Variants in OLFM1 observed in about 807,000 individuals in gnomAD.
The protein encoded by OLFM1 is noelin.
In OLFM1, 9 loss-of-function variants were observed where a neutral mutation model predicts 49.7. The ratio of observed to expected loss-of-function variants is 0.18; its 90% CI spans 0.11 to 0.32. The LOEUF is 0.32. OLFM1 is among the 10% of genes least tolerant of loss of function. The pLI, the probability that OLFM1 is intolerant of heterozygous loss-of-function variation, is 1.00. For synonymous variants in OLFM1, 240 were observed against 271.8 expected (o/e 0.88, Z 1.15); for missense variants, 369 against 661.8 (o/e 0.56, Z 4.85).
chr9:135,082,864 A>G (rs1159836472), upstream of OLFM1, among the ~76,000 whole-genome samples: 2 of 152,212 alleles, frequency 1.3e-5, no homozygotes, highest in Non-Finnish European at 2.9e-5. Flanking sequence ...CAGGCTCCAC[A>G]GGGCAGGCCC....
At chr9:135,110,282 G>A (rs920334918) in intron 5 of OLFM1, among the ~76,000 whole-genome samples, 3 of 152,124 alleles carry the variant, frequency 2.0e-5, no homozygotes, top group Non-Finnish European at 4.4e-5. Context: ...CTGCCTTCCA[G>A]AGCCCAACAT....
In OLFM1 at chr9:135,098,802, ATG is replaced by A. The variant is rs1830833400; in HGVS notation, c.676+306_676+307del. ...GATTGTGTGTGTGTGTGTGAATCGT[ATG>A]TGTGTGTGCATTGAAGACACCAGTT... On this transcript the variant is annotated intron_variant, in intron 4 of 5. Coordinates refer to ENST00000371793, the MANE Select transcript of OLFM1 (RefSeq NM_001282611.2). The surrounding 1 kb of genome is among the most constrained non-coding windows in gnomAD (Gnocchi z 5.6). Among the ~76,000 whole-genome samples the A allele has an allele frequency of 6.6e-6, 1 of 152,100 alleles. No individual in the cohort carries two copies. Among genetic ancestry groups the A allele is most frequent in the Admixed American group, 6.6e-5 (1 of 15,248 alleles).
intron 5 of OLFM1, among the ~76,000 whole-genome samples, chr9:135,108,372 A>C (rs1274600292): frequency 6.6e-6 from 1 of 152,094 alleles, no homozygotes; most frequent in Non-Finnish European, 1.5e-5. Flanking sequence ...AGTGGCTCAC[A>C]CCTGTAATCC....
chr9:135,100,059 C>T (rs1830850075), intron 4 of OLFM1, among the ~76,000 whole-genome samples: 1 of 152,282 alleles, frequency 6.6e-6, no homozygotes, highest in South Asian at 2.1e-4. Flanking sequence ...TATGGGGTCT[C>T]CCTCGGCCTC....
Position 135,120,656 on chromosome 9 carries a change from T to C in OLFM1, c.*478T>C. The C allele has an allele frequency of 5.5e-6, 1 of 181,922 alleles. No homozygotes were observed. 11.3% of individuals were successfully genotyped at this position (181,922 alleles called of 1,614,324 possible). A position where few individuals can be genotyped will look rare whatever the true frequency, so the allele number is the denominator to read the frequency against. On this transcript the variant is annotated 3_prime_UTR_variant, in exon 6 of 6. Coordinates refer to ENST00000371793, the MANE Select transcript of OLFM1 (RefSeq NM_001282611.2). The stretch of plus-strand genomic sequence containing the variant: ...CAGTGCCGTTTCTTGACTGTGTTGC[T>C]GTCTCTTAGATTAACCGTGCTGAGG...
At chr9:135,078,657 C>T (rs991998709) in intron 1 of OLFM1, among the ~76,000 whole-genome samples, 11 of 152,170 alleles carry the variant, frequency 7.2e-5, no homozygotes, top group African/African-American at 2.2e-4. Flanking sequence ...ACTGAGCTTC[C>T]GGGGCAGGGT....
chr9:135,079,875 G>A (rs1233090842), intron 1 of OLFM1, among the ~76,000 whole-genome samples: 1 of 152,082 alleles, frequency 6.6e-6, no homozygotes. Flanking sequence ...AACCGTCACT[G>A]TGACTGTTTG....
intron 5 of OLFM1, among the ~76,000 whole-genome samples, chr9:135,112,610 C>T (rs1831038228): frequency 6.6e-6 from 1 of 152,236 alleles, no homozygotes; most frequent in Admixed American, 6.5e-5. Flanking sequence ...TTTCAGGCAC[C>T]ATTCTCCCAG....
intron 1 of OLFM1, among the ~76,000 whole-genome samples, chr9:135,081,606 A>G (rs1440466575): frequency 6.6e-6 from 1 of 152,098 alleles, no homozygotes; most frequent in Non-Finnish European, 1.5e-5. Flanking sequence ...TCTGGAGTGT[A>G]AGGTTAGGGG....
rs546778422 is a variant in OLFM1 at position 135,107,130 on chromosome 9, G to A, written c.783+275G>A. Among the ~76,000 whole-genome samples the A allele has an allele frequency of 8.9e-5, 12 of 135,370 alleles. No individual in the cohort carries two copies. The South Asian group carries it at 1.8e-3, about 20-fold the overall frequency. 88.8% of individuals were successfully genotyped at this position (135,370 alleles called of 152,430 possible). A position where few individuals can be genotyped will look rare whatever the true frequency, so the allele number is the denominator to read the frequency against. ...CCCTTCAAGGCCTCCTCCCCGGCCC[G>A]GTGGGCTGGGCTGGGCTGGGCTGGG... On this transcript the variant is annotated intron_variant, in intron 5 of 5. Coordinates refer to ENST00000371793, the MANE Select transcript of OLFM1 (RefSeq NM_001282611.2).
At chr9:135,118,043 G>A (rs1357138964) in intron 5 of OLFM1, among the ~76,000 whole-genome samples, 1 of 152,246 alleles carries the variant, frequency 6.6e-6, no homozygotes, top group Admixed American at 6.5e-5. Flanking sequence ...GGCTCTCTGG[G>A]TTTGGAGGGA....
intron 5 of OLFM1, among the ~76,000 whole-genome samples, chr9:135,119,097 G>A (rs931102921): frequency 9.9e-5 from 15 of 151,676 alleles, no homozygotes; most frequent in East Asian, 2.0e-4. Flanking sequence ...AGTGCTCACC[G>A]GGCCTTTGGA....
exon 1 of OLFM1, chr9:135,075,680 C>G: frequency 6.5e-7 from 1 of 1,541,650 alleles, no homozygotes; most frequent in Non-Finnish European, 8.7e-7. Flanking sequence ...CACGCAGCCG[C>G]CGGCCGGCCA....
chr9:135,091,591 T>TCACACAGTCA (rs1830693114), intron 2 of OLFM1, among the ~76,000 whole-genome samples: 1 of 70,412 alleles, frequency 1.4e-5, no homozygotes, highest in East Asian at 4.3e-4. Flanking sequence ...ACACTCACAG[T>TCACACAGTCA]CACACACTCA....
At chr9:135,102,911 C>T (rs1046389129) in intron 4 of OLFM1, among the ~76,000 whole-genome samples, 4 of 152,270 alleles carry the variant, frequency 2.6e-5, no homozygotes, top group Admixed American at 6.5e-5. Context: ...GGCATCTCCC[C>T]GGGCCTGTTC....
In OLFM1 at chr9:135,095,921, C is replaced by A; in HGVS notation, c.358C>A (p.Gln120Lys). Residue 120 changes from glutamine (Q) to lysine (K), a missense_variant, in exon 3 of 6, where the codon CAG (glutamine) becomes AAG (lysine). Physicochemically the swap from Gln to Lys is moderately conservative, Grantham distance 53. Coordinates refer to ENST00000371793, the MANE Select transcript of OLFM1 (RefSeq NM_001282611.2). ...VLDRRTQRDL[Q>K]YVEKMENQMK... ...GGACAGGCGGACCCAGAGAGACTTG[C>A]AGTACGTGGAGAAGATGGAGAACCA... 6.2e-7 allele frequency: 1 copy of A among 1,612,982 alleles called. No homozygotes were observed. The highest frequency in any genetic ancestry group is 8.5e-7 in the Non-Finnish European group (1 of 1,179,482).
In OLFM1 at chr9:135,120,013, T is replaced by A; in HGVS notation, c.1293T>A (p.Asn431Lys). 6.2e-7 allele frequency: 1 copy of A among 1,613,954 alleles called. No individual in the cohort carries two copies. Among genetic ancestry groups the A allele is most frequent in the Non-Finnish European group, 8.5e-7 (1 of 1,180,034 alleles). ...GTKVHYAYQT[N>K]ASTYEYIDIP... ...AGGTCCACTATGCATACCAGACCAA[T>A]GCCTCCACCTATGAATACATCGACA... Residue 431 changes from asparagine (N) to lysine (K), a missense_variant, in exon 6 of 6, where the codon AAT (asparagine) becomes AAA (lysine). Asn to Lys is a moderately conservative substitution (Grantham distance 94, BLOSUM62 0). Around this residue, in one of 3 missense-constraint regions of OLFM1, gnomAD observed 294 missense variants for 567.5 expected, o/e 0.52. Coordinates refer to ENST00000371793, the MANE Select transcript of OLFM1 (RefSeq NM_001282611.2).
chr9:135,098,055 G>A lies in OLFM1; in HGVS notation c.457-231G>A. 1 of 1,425,624 alleles carries A rather than the reference G, an allele frequency of 7.0e-7. No individual in the cohort carries two copies. Among genetic ancestry groups the A allele is most frequent in the Non-Finnish European group, 9.1e-7 (1 of 1,097,732 alleles). The allele number at this position is 1,425,624 out of a possible 1,614,324, so 88.3% of individuals were successfully genotyped here. On this transcript the variant is annotated intron_variant, in intron 3 of 5. Transcript: ENST00000371793. The surrounding 1 kb of genome is among the most constrained non-coding windows in gnomAD (Gnocchi z 5.6). ...ACTTCGTGTATGTGACTCAAAGCATGTAACCTTAAGATGTTGCATTCTAAA... is the reference window on the plus strand; with the variant it reads ...ACTTCGTGTATGTGACTCAAAGCATATAACCTTAAGATGTTGCATTCTAAA...
At chr9:135,086,959 C>A (rs2119095505), upstream of OLFM1, among the ~76,000 whole-genome samples, 1 of 152,340 alleles carries the variant, frequency 6.6e-6, no homozygotes, top group Admixed American at 6.5e-5. Flanking sequence ...GAGCCCCAGA[C>A]CTTATGCAGC....
Sources: gnomAD v4.1 joint callset for allele counts (sites outside exome capture counted in the v4.1 genomes callset) on GRCh38, gnomAD v4.1.1 for gene constraint, gnomAD v4.1.1 regional missense constraint, Gnocchi (gnomAD v3.1) non-coding constraint, MANE v1.5 for transcripts, NCBI Gene and HGNC (gene_info 2026-07-23, HGNC 2026-07-21) for gene names.